CILP2: variants seen among roughly 807,000 people sequenced by gnomAD.
The protein encoded by CILP2 is cartilage intermediate layer protein 2, also known as CILP-2.
In CILP2, 38 loss-of-function variants were observed where a neutral mutation model predicts 45.6. That is an observed-to-expected ratio of 0.83 (90% CI 0.64 to 1.09). The LOEUF (loss-of-function observed/expected upper bound fraction) is 1.09, where lower values mean the gene tolerates loss of function less well. CILP2 is among the 50% of genes least tolerant of loss of function. CILP2 has a pLI of 0.00. For synonymous variants in CILP2, 780 were observed against 723.5 expected (o/e 1.08, Z -1.25); for missense variants, 1,735 against 1,662.2 (o/e 1.04, Z -0.76).
rs779635746 is a variant in CILP2, at chr19:19,540,194, G to C, written c.164-10G>C. The C allele has an allele frequency of 2.0e-5, 31 of 1,570,498 alleles. No individual in the cohort carries two copies. In the Admixed American group the frequency reaches 4.6e-4, roughly 23 times the overall value. ...CGCCGCCCTGGTCCCAGCGCGTGCG[G>C]TGCCCGCAGAGGCCAGCGAGTGGAC... is the stretch of plus-strand genomic sequence containing the variant. On this transcript the variant is annotated splice_polypyrimidine_tract_variant and intron_variant, in intron 2 of 7. Coordinates refer to ENST00000291495, the MANE Select transcript of CILP2 (RefSeq NM_153221.2).
chr19:19,545,908 C>T lies in CILP2; in HGVS notation c.3363C>T (p.Ser1121=), dbSNP rs1435073790. Residue 1121 remains serine, a synonymous_variant, in exon 8 of 8, where the codon TCC becomes TCT. Coordinates refer to ENST00000291495, the MANE Select transcript of CILP2 (RefSeq NM_153221.2). Reference sequence around the variant, plus strand: ...GCCTCTTCCAGAGGCTGCTGGAGTCCCCGGCGACAGCACTTGGTGACATCC... The same window carrying T: ...GCCTCTTCCAGAGGCTGCTGGAGTCTCCGGCGACAGCACTTGGTGACATCC... ...RPSLFQRLLE[S]PATALGDIRR... is the part of the protein sequence containing the mutation. 6.3e-7 allele frequency: 1 copy of T among 1,581,850 alleles called. No homozygotes were observed. The highest frequency in any genetic ancestry group is 8.6e-7 in the Non-Finnish European group (1 of 1,158,294).
In CILP2 at chr19:19,545,474, A is replaced by C; in HGVS notation, c.2929A>C (p.Ser977Arg). ...GCTCTACGGACTTCGGGATGCCCGG[A>C]GTGTGCGAGACCCCGAGCGTCCGGG... ...GQLYGLRDAR[S>R]VRDPERPGTS... Residue 977 changes from serine (S) to arginine (R), a missense_variant, in exon 8 of 8, where the codon AGT becomes CGT. Ser to Arg is a moderately radical substitution (Grantham distance 110). Coordinates refer to ENST00000291495, the MANE Select transcript of CILP2 (RefSeq NM_153221.2). 2 of 1,612,350 alleles carry C rather than the reference A, an allele frequency of 1.2e-6. No individual in the cohort carries two copies. Among genetic ancestry groups the C allele is most frequent in the South Asian group, 1.1e-5 (1 of 91,044 alleles).
intron 4 of CILP2, among the ~76,000 whole-genome samples, chr19:19,541,830 C>A (rs1299379380): frequency 2.6e-5 from 4 of 152,212 alleles, no homozygotes; most frequent in Non-Finnish European, 5.9e-5. Context: ...AGCGCCTGGG[C>A]TCCACAAACA....
At position 19,544,676 on chromosome 19, in the gene CILP2, G is replaced by A; in HGVS notation, c.2131G>A (p.Glu711Lys). ...CTCGGGCCCCCGGGTGCGCCGGGAG[G>A]AGCGCGTCTTCCTGGTGGGCAACGT... ...GSSGPRVRREERVFLVGNVEI... is the reference protein window; with the variant it reads ...GSSGPRVRREKRVFLVGNVEI... Residue 711 changes from glutamate to lysine, a missense_variant, in exon 8 of 8, where the codon GAG becomes AAG. Glu to Lys is a moderately conservative substitution (Grantham distance 56). Transcript: ENST00000291495. 6.4e-7 allele frequency: 1 copy of A among 1,570,664 alleles called. No individual in the cohort carries two copies. The highest frequency in any genetic ancestry group is 8.6e-7 in the Non-Finnish European group (1 of 1,165,072).
At chr19:19,543,136 C>T in intron 6 of CILP2, 112 bp from the exon 7 acceptor site, 2 of 1,220,486 alleles carry the variant, frequency 1.6e-6, no homozygotes, top group Middle Eastern at 2.3e-4. Context: ...GCCAGTCTTG[C>T]TGGGGAGGAG....
chr19:19,545,970 G>C lies in CILP2; in HGVS notation c.3425G>C (p.Arg1142Pro), dbSNP rs775866951. ...EMSEAAQAQARASGPLRTRRG... is the reference protein window; with the variant it reads ...EMSEAAQAQAPASGPLRTRRG... The stretch of plus-strand genomic sequence containing the variant: ...AGCGAGGCGGCGCAGGCACAGGCCC[G>C]GGCCTCAGGTCCCCTCCGCACCCGC... Residue 1142 changes from arginine (R) to proline (P), a missense_variant, in exon 8 of 8, where the codon CGG becomes CCG. Arg to Pro is a moderately radical substitution (Grantham distance 103). Coordinates refer to ENST00000291495, the MANE Select transcript of CILP2 (RefSeq NM_153221.2). The C allele has an allele frequency of 6.5e-7, 1 of 1,535,684 alleles. No individual in the cohort carries two copies. The highest frequency in any genetic ancestry group is 2.0e-5 in the Admixed American group (1 of 50,220).
Position 19,545,957 on chromosome 19 carries a change from C to A in CILP2, c.3412C>A (p.Gln1138Lys). Residue 1138 changes from glutamine (Q) to lysine (K), a missense_variant, in exon 8 of 8, where the codon CAG becomes AAG. Physicochemically the swap from Gln to Lys is moderately conservative, Grantham distance 53 (BLOSUM62 1). Coordinates refer to ENST00000291495, the MANE Select transcript of CILP2 (RefSeq NM_153221.2). ...CCGCAGGGAGATGAGCGAGGCGGCG[C>A]AGGCACAGGCCCGGGCCTCAGGTCC... is the stretch of plus-strand genomic sequence containing the variant. Reference protein sequence around the residue: ...DIRREMSEAAQAQARASGPLR... With the variant: ...DIRREMSEAAKAQARASGPLR... 1 of 1,552,598 alleles carries A rather than the reference C, an allele frequency of 6.4e-7. No homozygotes were observed.
At chr19:19,542,059 C>T (rs1242345875) in intron 4 of CILP2, among the ~76,000 whole-genome samples, 2 of 152,230 alleles carry the variant, frequency 1.3e-5, no homozygotes, top group African/African-American at 4.8e-5. Flanking sequence ...GGCCCCCAGC[C>T]CCTGTCCAGA....
chr19:19,544,510 G>T lies in CILP2; in HGVS notation c.1965G>T (p.Gln655His). ...TCCGTGCGCCCGGCTCCGCGGAGCAGCTGCAGGTGGGGCCGGTGGCCGTGC... is the reference window on the plus strand; with the variant it reads ...TCCGTGCGCCCGGCTCCGCGGAGCATCTGCAGGTGGGGCCGGTGGCCGTGC... ...VDLRAPGSAE[Q>H]LQVGPVAVRV... is the part of the protein sequence containing the mutation. Residue 655 changes from glutamine (Q) to histidine (H), a missense_variant, in exon 8 of 8, where the codon CAG becomes CAT. By Grantham distance (24) the Gln-to-His change is conservative. Transcript: ENST00000291495. 6.3e-7 allele frequency: 1 copy of T among 1,599,102 alleles called. No homozygotes were observed.
chr19:19,539,223 G>C lies in CILP2; in HGVS notation c.65-456G>C, dbSNP rs573404337. ...GAGTGTATGGCAGCCCTTGGGGCTAGAGCTGGGTTCTGGCCTCTCAGAGCC... is the reference window on the plus strand; with the variant it reads ...GAGTGTATGGCAGCCCTTGGGGCTACAGCTGGGTTCTGGCCTCTCAGAGCC... On this transcript the variant is annotated intron_variant, in intron 1 of 7. Transcript: ENST00000291495. Among the ~76,000 whole-genome samples, 19 of 152,218 alleles carry C rather than the reference G, an allele frequency of 1.2e-4. No homozygotes were observed. In the East Asian group the frequency reaches 3.7e-3, roughly 29 times the overall value.
In CILP2 at chr19:19,543,851, C is replaced by G; in HGVS notation, c.1306C>G (p.Arg436Gly). Residue 436 changes from arginine to glycine, a missense_variant, in exon 8 of 8, where the codon CGC (arginine) becomes GGC (glycine). Arg to Gly is a moderately radical substitution (Grantham distance 125). Coordinates refer to ENST00000291495, the MANE Select transcript of CILP2 (RefSeq NM_153221.2). ...SSPRCGDASS[R>G]CCSVRRLERR... ...CCCCCGCTGCGGGGACGCCAGCTCC[C>G]GCTGCTGCTCTGTGCGCCGTCTGGA... 6.2e-7 allele frequency: 1 copy of G among 1,613,876 alleles called. No individual in the cohort carries two copies. The highest frequency in any genetic ancestry group is 2.2e-5 in the East Asian group (1 of 44,860).
At chr19:19,539,126 G>A (rs972015619) in intron 1 of CILP2, among the ~76,000 whole-genome samples, 2 of 152,204 alleles carry the variant, frequency 1.3e-5, no homozygotes, top group Admixed American at 1.3e-4. Context: ...CAGCCGGGGG[G>A]TTAGGGCTAG....
In CILP2 at chr19:19,545,014, C is replaced by T. The variant is rs769844466; in HGVS notation, c.2469C>T (p.Ser823=). ...GCGAGGAGCTGGAGCCGGCCCCTTC[C>T]TTGCCCCGCCCACTCCCGGCCACCG... The part of the protein sequence containing the change: ...LGGEELEPAP[S]LPRPLPATVG... The change falls in exon 8 of 8, where the codon TCC becomes TCT. Residue 823 remains serine (S), a synonymous_variant. Coordinates refer to ENST00000291495, the MANE Select transcript of CILP2 (RefSeq NM_153221.2). The T allele has an allele frequency of 1.9e-6, 3 of 1,604,670 alleles. No individual in the cohort carries two copies. The highest frequency in any genetic ancestry group is 1.7e-5 in the Admixed American group (1 of 59,794).
chr19:19,540,531 A>G, intron 3 of CILP2, 55 bp downstream of exon 3: 1 of 329,180 alleles, frequency 3.0e-6, no homozygotes, highest in Non-Finnish European at 4.6e-6. Flanking sequence ...GGGCTGGCGA[A>G]CGCCGGGAAG....
In CILP2 at chr19:19,538,291, G is replaced by C. The variant is rs1162722236; in HGVS notation, c.-59G>C. The C allele has an allele frequency of 2.0e-6, 3 of 1,492,978 alleles. No homozygotes were observed. Among genetic ancestry groups the C allele is most frequent in the East Asian group, 2.6e-5 (1 of 38,872 alleles). 92.5% of individuals were successfully genotyped at this position (1,492,978 alleles called of 1,614,324 possible). A position where few individuals can be genotyped will look rare whatever the true frequency, so the allele number is the denominator to read the frequency against. ...GTCCCAGCGGCCGCCAGACCCGCCG[G>C]AGTTGGACCCGAGCACGCCGCGGAG... On this transcript the variant is annotated 5_prime_UTR_variant, in exon 1 of 8. Transcript: ENST00000291495.
intron 3 of CILP2, 42 bp from the exon 4 acceptor site, chr19:19,541,049 T>C: frequency 8.0e-7 from 1 of 1,243,318 alleles, no homozygotes; most frequent in Non-Finnish European, 1.0e-6. Flanking sequence ...GCGCAGTTCC[T>C]GGGGAGGGCG....
chr19:19,545,925 G>C lies in CILP2; in HGVS notation c.3380G>C (p.Gly1127Ala). 6.3e-7 allele frequency: 1 copy of C among 1,581,058 alleles called. No homozygotes were observed. The change falls in exon 8 of 8, where the codon GGT becomes GCT. Residue 1127 changes from glycine (G) to alanine (A), a missense_variant. Gly to Ala is a moderately conservative substitution (Grantham distance 60). Coordinates refer to ENST00000291495, the MANE Select transcript of CILP2 (RefSeq NM_153221.2). ...RLLESPATAL[G>A]DIRREMSEAA... ...CTGGAGTCCCCGGCGACAGCACTTG[G>C]TGACATCCGCAGGGAGATGAGCGAG...
Position 19,544,028 on chromosome 19 carries a change from C to G in CILP2, c.1483C>G (p.Leu495Val). Residue 495 changes from leucine to valine, a missense_variant, in exon 8 of 8, where the codon CTG (leucine) becomes GTG (valine). By Grantham distance (32) the Leu-to-Val change is conservative. Coordinates refer to ENST00000291495, the MANE Select transcript of CILP2 (RefSeq NM_153221.2). The stretch of plus-strand genomic sequence containing the variant: ...GCCGCTACGCTTCGCCAGGATTCTG[C>G]TGGGCCAGGAGCCCATCGGCTTCAC... ...GEPLRFARIL[L>V]GQEPIGFTAY... 1 of 1,613,862 alleles carries G rather than the reference C, an allele frequency of 6.2e-7. No homozygotes were observed.
Position 19,545,443 on chromosome 19 carries a change from C to T in CILP2, c.2898C>T (p.Arg966=), listed in dbSNP as rs747494505. The T allele has an allele frequency of 5.5e-5, 89 of 1,612,204 alleles. 2 individuals carry two copies. The South Asian group carries it at 8.9e-4, about 16-fold the overall frequency. Residue 966 remains arginine (R), a synonymous_variant, in exon 8 of 8, where the codon CGC becomes CGT. Coordinates refer to ENST00000291495, the MANE Select transcript of CILP2 (RefSeq NM_153221.2). ...CAGGGGGCAGCCACCCACGCACCCGCGGCCAGCTCTACGGACTTCGGGATG... is the reference window on the plus strand; with the variant it reads ...CAGGGGGCAGCCACCCACGCACCCGTGGCCAGCTCTACGGACTTCGGGATG... ...HNAGGSHPRT[R]GQLYGLRDAR... is the part of the protein sequence containing the mutation.
Sources: allele counts gnomAD v4.1 joint callset (sites outside exome capture counted in the v4.1 genomes callset), GRCh38; gene constraint gnomAD v4.1.1; transcripts MANE v1.5; gene names NCBI Gene and HGNC (gene_info 2026-07-23, HGNC 2026-07-21).